The following CNTNAP5 variants were observed in gnomAD, a reference collection of about 807,000 sequenced individuals.
CNTNAP5 encodes contactin-associated protein-like 5.
CNTNAP5 carries 72 observed loss-of-function variants against 150.2 expected under a neutral mutation model. The observed-to-expected ratio is 0.48, with a 90% CI of 0.40 to 0.58. The LOEUF is 0.58. Among genes scored for constraint, CNTNAP5 ranks in the 20% least tolerant of loss-of-function variants. The pLI is 0.00. For missense variants in CNTNAP5, 1,636 were observed against 1,626.2 expected, an observed-to-expected ratio of 1.01 and a Z score of -0.10; for synonymous variants, 672 against 619.8, an observed-to-expected ratio of 1.08 and a Z score of -1.25.
intron 10 of CNTNAP5, among the ~76,000 whole-genome samples, chr2:124,547,913 T>A (rs1274448158): frequency 2.0e-5 from 3 of 152,162 alleles, no homozygotes; most frequent in Admixed American, 2.0e-4. Flanking sequence ...CCTGAAGCTA[T>A]GCTGTGTCTC....
At chr2:124,713,978 C>G (rs1679893290) in intron 13 of CNTNAP5, among the ~76,000 whole-genome samples, 1 of 152,130 alleles carries the variant, frequency 6.6e-6, no homozygotes, top group Non-Finnish European at 1.5e-5. Context: ...CCCCCATACT[C>G]TCTTGACTTT....
intron 10 of CNTNAP5, among the ~76,000 whole-genome samples, chr2:124,549,285 C>A (rs1252657343): frequency 1.3e-5 from 2 of 152,092 alleles, no homozygotes; most frequent in African/African-American, 4.8e-5. Flanking sequence ...GAAAATGAAA[C>A]CTAGAGGAGC....
At chr2:124,653,912 C>CA (rs386391124) in intron 13 of CNTNAP5, among the ~76,000 whole-genome samples, 1 of 25,808 alleles carries the variant, frequency 3.9e-5, no homozygotes, top group African/African-American at 2.1e-4. Flanking sequence ...CTGCCCCCAA[C>CA]CCCCCCCCCC....
chr2:124,209,729 T>C (rs1170634), intron 1 of CNTNAP5, among the ~76,000 whole-genome samples: 117,160 of 152,096 alleles, frequency 0.77, 45,464 homozygotes, highest in East Asian at 1. Flanking sequence ...CTCAAGGACC[T>C]GTGTGCTACA....
chr2:124,697,489 C>G (rs1331286760), intron 13 of CNTNAP5, among the ~76,000 whole-genome samples: 1 of 151,888 alleles, frequency 6.6e-6, no homozygotes, highest in Non-Finnish European at 1.5e-5. Context: ...AGTGTTATCT[C>G]TCTGTTTATT....
At chr2:124,686,497 C>A (rs1221322053) in intron 13 of CNTNAP5, among the ~76,000 whole-genome samples, 1 of 152,036 alleles carries the variant, frequency 6.6e-6, no homozygotes, top group Middle Eastern at 3.2e-3. Flanking sequence ...AAGAAAAGGA[C>A]CTGGTACCGG....
chr2:124,420,137 T>C (rs1455503445), intron 4 of CNTNAP5, among the ~76,000 whole-genome samples: 1 of 151,444 alleles, frequency 6.6e-6, no homozygotes, highest in Admixed American at 6.6e-5. Flanking sequence ...ATTACAGGCG[T>C]GCACCACCAT....
chr2:124,343,960 C>T (rs1421007118), intron 3 of CNTNAP5, among the ~76,000 whole-genome samples: 3 of 152,088 alleles, frequency 2.0e-5, no homozygotes, highest in Admixed American at 2.0e-4. Context: ...TGGCTTTATA[C>T]TAACCGGTTC....
In CNTNAP5 at chr2:124,681,974, T is replaced by C. The variant is rs13420252; in HGVS notation, c.2077+34016T>C. Among the ~76,000 whole-genome samples the C allele has an allele frequency of 1.7e-3, 262 of 152,342 alleles. 1 individual carries two copies. The highest frequency in any genetic ancestry group is 6.2e-3 in the African/African-American group (256 of 41,586). ...CAATGAGTGGTCAGATTTTAAAAAATGCTTTGCTATGTGTCTTCCTCCCTT... is the reference window on the plus strand; with the variant it reads ...CAATGAGTGGTCAGATTTTAAAAAACGCTTTGCTATGTGTCTTCCTCCCTT... On this transcript the variant is annotated intron_variant, in intron 13 of 23. Coordinates refer to ENST00000682447, the MANE Select transcript of CNTNAP5 (RefSeq NM_001367498.1).
In CNTNAP5 at chr2:124,106,626, C is replaced by G. The variant is rs555116337; in HGVS notation, c.82+80894C>G. The stretch of plus-strand genomic sequence containing the variant: ...CACCCATTCTTTTCCGAATGCAGCT[C>G]CTCCATTTGGATGTTCCTCAGCTAT... On this transcript the variant is annotated intron_variant, in intron 1 of 23. Coordinates refer to ENST00000682447, the MANE Select transcript of CNTNAP5 (RefSeq NM_001367498.1). 9.2e-5 allele frequency among the ~76,000 whole-genome samples: 14 copies of G among 152,296 alleles called. No individual in the cohort carries two copies. The South Asian group carries it at 2.7e-3, about 29-fold the overall frequency.
At chr2:124,772,536 G>A (rs1161009997) in intron 16 of CNTNAP5, among the ~76,000 whole-genome samples, 2 of 152,100 alleles carry the variant, frequency 1.3e-5, no homozygotes, top group African/African-American at 4.8e-5. Flanking sequence ...ATTCATGCAG[G>A]TATATCAGAT....
At chr2:124,209,499 C>T (rs1322874844) in intron 1 of CNTNAP5, among the ~76,000 whole-genome samples, 1 of 152,164 alleles carries the variant, frequency 6.6e-6, no homozygotes, top group Non-Finnish European at 1.5e-5. Flanking sequence ...AACGCACTTC[C>T]CTGTGTGACT....
chr2:124,235,287 A>G (rs1250826237), intron 2 of CNTNAP5, among the ~76,000 whole-genome samples: 1 of 152,124 alleles, frequency 6.6e-6, no homozygotes, highest in Admixed American at 6.6e-5. Context: ...TCTCTGGAAA[A>G]GGGGATAGTT....
intron 13 of CNTNAP5, among the ~76,000 whole-genome samples, chr2:124,673,851 G>C (rs1052855940): frequency 8.0e-5 from 12 of 150,662 alleles, no homozygotes; most frequent in Admixed American, 1.3e-4. Flanking sequence ...TCATTTTTAA[G>C]TTTTATTAAG....
At chr2:124,373,730 G>C (rs1690582500) in intron 3 of CNTNAP5, among the ~76,000 whole-genome samples, 1 of 151,976 alleles carries the variant, frequency 6.6e-6, no homozygotes, top group Non-Finnish European at 1.5e-5. Flanking sequence ...GTGATTAGGA[G>C]GGCTGGGTGG....
intron 13 of CNTNAP5, among the ~76,000 whole-genome samples, chr2:124,650,320 C>T (rs2105030442): frequency 6.6e-6 from 1 of 152,280 alleles, no homozygotes; most frequent in South Asian, 2.1e-4. Context: ...TCCTCATTTA[C>T]CCAGACAGTC....
chr2:124,889,122 G>A (rs538374437), intron 21 of CNTNAP5, among the ~76,000 whole-genome samples: 4 of 111,750 alleles, frequency 3.6e-5, no homozygotes, highest in Admixed American at 1.3e-4. Context: ...AAAGAATCTC[G>A]CTTTGTCACC....
chr2:124,911,402 C>A, intron 22 of CNTNAP5, 65 bp from the exon 23 acceptor site: 1 of 1,233,194 alleles, frequency 8.1e-7, no homozygotes, highest in Non-Finnish European at 1.2e-6. Context: ...AGGTGGGCCA[C>A]ACTGTAGGCT....
At chr2:124,045,178 A>G (rs533190780) in intron 1 of CNTNAP5, among the ~76,000 whole-genome samples, 6 of 152,270 alleles carry the variant, frequency 3.9e-5, no homozygotes, top group African/African-American at 1.4e-4. Flanking sequence ...GCAAACAAGC[A>G]AGCTTAATAA....
Sources: allele counts gnomAD v4.1 joint callset (sites outside exome capture counted in the v4.1 genomes callset), GRCh38; gene constraint gnomAD v4.1.1; transcripts MANE v1.5; gene names NCBI Gene and HGNC (gene_info 2026-07-23, HGNC 2026-07-21).